DAB2: variants seen among roughly 807,000 people sequenced by gnomAD.
DAB2 encodes the protein disabled homolog 2.
Under a neutral mutation model 71.6 loss-of-function variants are expected in DAB2, and 28 were observed. The ratio of observed to expected loss-of-function variants is 0.39; its 90% confidence interval spans 0.29 to 0.54. DAB2 has a LOEUF of 0.54. Ranked by LOEUF, DAB2 falls within the 20% of genes least tolerant of loss-of-function variation. The pLI is 0.68. For missense variants in DAB2, 867 were observed against 928.8 expected (o/e 0.93, Z 0.86); for synonymous variants, 345 against 339.7 (o/e 1.02, Z -0.17).
At chr5:39,396,493 C>A (rs1453565764) in intron 1 of DAB2, among the ~76,000 whole-genome samples, 1 of 152,226 alleles carries the variant, frequency 6.6e-6, no homozygotes, top group Non-Finnish European at 1.5e-5. Flanking sequence ...GGCATTCATG[C>A]AGATGGTAAT....
At chr5:39,409,202 A>G (rs1002988549) in intron 1 of DAB2, among the ~76,000 whole-genome samples, 3 of 152,158 alleles carry the variant, frequency 2.0e-5, no homozygotes, top group African/African-American at 7.2e-5. Flanking sequence ...GAAATGCACA[A>G]GTATTCTTGA....
chr5:39,401,402 C>T (rs774005302), intron 1 of DAB2, among the ~76,000 whole-genome samples: 17 of 152,212 alleles, frequency 1.1e-4, no homozygotes, highest in African/African-American at 3.4e-4. Flanking sequence ...AGATGCTTTC[C>T]CTGTTTTTGG....
At chr5:39,417,275 A>T (rs1755870067) in intron 1 of DAB2, 1 of 150,342 alleles carries the variant, frequency 6.7e-6, no homozygotes, top group Non-Finnish European at 1.5e-5. Context: ...CTCCACATGT[A>T]CCCCAGAATC....
intron 13 of DAB2, 35 bp from the exon 14 acceptor site, chr5:39,375,119 G>A: frequency 6.7e-7 from 1 of 1,491,788 alleles, no homozygotes; most frequent in Non-Finnish European, 9.2e-7. Flanking sequence ...AATAAATACA[G>A]TTACAGTCAT....
In DAB2 at chr5:39,388,749, C is replaced by A. The variant is rs766957823; in HGVS notation, c.624+50G>T. 5.4e-5 allele frequency: 79 copies of A among 1,456,202 alleles called. 1 individual carries two copies. Among genetic ancestry groups the A allele is most frequent in the Non-Finnish European group, 7.2e-5 (75 of 1,039,624 alleles). The allele number at this position is 1,456,202 out of a possible 1,614,324, so 90.2% of individuals were successfully genotyped here. ...TCAGCAACATCTACAGGAAGTAGAA[C>A]CCATGTTCAGATAAGTAAGAACTGT... is the stretch of plus-strand genomic sequence containing the variant. On this transcript the variant is annotated intron_variant, in intron 8 of 14. Coordinates refer to ENST00000320816, the MANE Select transcript of DAB2 (RefSeq NM_001343.4).
chr5:39,416,517 G>A (rs1309844137), intron 1 of DAB2, among the ~76,000 whole-genome samples: 7 of 152,074 alleles, frequency 4.6e-5, no homozygotes, highest in African/African-American at 1.7e-4. Flanking sequence ...ACATATACAT[G>A]GCCACCTGCT....
chr5:39,398,678 C>T (rs974792070), intron 1 of DAB2, among the ~76,000 whole-genome samples: 4 of 152,042 alleles, frequency 2.6e-5, no homozygotes, highest in African/African-American at 7.2e-5. Flanking sequence ...ACTACAAACC[C>T]CTTTACAAAA....
intron 1 of DAB2, among the ~76,000 whole-genome samples, chr5:39,397,596 C>T (rs1246379324): frequency 2.0e-5 from 3 of 152,068 alleles, no homozygotes; most frequent in South Asian, 4.2e-4. Context: ...GGTTAGTATT[C>T]GAGTGGGAAT....
intron 1 of DAB2, among the ~76,000 whole-genome samples, chr5:39,413,426 T>A (rs553956580): frequency 6.6e-6 from 1 of 152,282 alleles, no homozygotes; most frequent in African/African-American, 2.4e-5. Flanking sequence ...TAAGATCGAT[T>A]TCATCATACA....
At chr5:39,402,344 A>G (rs1755522622) in intron 1 of DAB2, among the ~76,000 whole-genome samples, 1 of 152,226 alleles carries the variant, frequency 6.6e-6, no homozygotes, top group Non-Finnish European at 1.5e-5. Context: ...GTAAGTGTTT[A>G]AACACTTTTA....
In DAB2 at chr5:39,379,656, C is replaced by T. The variant is rs114276313; in HGVS notation, c.1504+1798G>A. Among the ~76,000 whole-genome samples the T allele has an allele frequency of 9.9e-3, 1,499 of 152,174 alleles. 17 individuals are homozygous for T. Among genetic ancestry groups the T allele is most frequent in the African/African-American group, 0.034 (1,431 of 41,526 alleles). On this transcript the variant is annotated intron_variant, in intron 11 of 14. Coordinates refer to ENST00000320816, the MANE Select transcript of DAB2 (RefSeq NM_001343.4). Reference sequence around the variant, plus strand: ...TATAGAACATTAATTTTATTACCTTCTGAGGCTAGATTAAAATACAAGCAA... The same window carrying T: ...TATAGAACATTAATTTTATTACCTTTTGAGGCTAGATTAAAATACAAGCAA...
intron 1 of DAB2, among the ~76,000 whole-genome samples, chr5:39,403,390 C>G (rs62358450): frequency 0.028 from 4,195 of 152,272 alleles, 89 homozygotes; most frequent in South Asian, 0.086. Flanking sequence ...AAGCCCATTA[C>G]ATGGGGACTG....
At chr5:39,399,837 C>A (rs979868206) in intron 1 of DAB2, among the ~76,000 whole-genome samples, 12 of 152,280 alleles carry the variant, frequency 7.9e-5, no homozygotes, top group African/African-American at 2.9e-4. Context: ...GCATGGTGGA[C>A]AATGATTAGT....
At chr5:39,376,472 G>T (rs1260747608) in intron 12 of DAB2, among the ~76,000 whole-genome samples, 178 bp downstream of exon 12, 1 of 152,128 alleles carries the variant, frequency 6.6e-6, no homozygotes, top group African/African-American at 2.4e-5. Context: ...AATGACTAAG[G>T]TAAATAGTTA....
rs565147153 is a variant in DAB2, at chr5:39,383,288, GAAA to G, written c.688-20_688-18del. On this transcript the variant is annotated intron_variant, in intron 9 of 14. Transcript: ENST00000320816. ...TTTGCTTTCCTATCACATTTGGAAA[GAAA>G]AAAAAAGAAAGTGTTAGTCCATGTT... 18 of 1,534,380 alleles carry G rather than the reference GAAA, an allele frequency of 1.2e-5. No individual in the cohort carries two copies. The East Asian group carries it at 4.1e-4, about 35-fold the overall frequency.
At chr5:39,404,795 T>A (rs1208023568) in intron 1 of DAB2, among the ~76,000 whole-genome samples, 2 of 152,142 alleles carry the variant, frequency 1.3e-5, no homozygotes, top group Non-Finnish European at 2.9e-5. Context: ...GCCAGGCTGG[T>A]CTCGAACTCC....
At chr5:39,401,762 T>TTTATTTATTTACTTACTTAC (rs879679271) in intron 1 of DAB2, among the ~76,000 whole-genome samples, 1 of 151,144 alleles carries the variant, frequency 6.6e-6, no homozygotes, top group African/African-American at 2.4e-5. Flanking sequence ...TATTTATTTA[T>TTTATTTATTTACTTACTTAC]TTATTTTTGA....
chr5:39,388,938 A>G (rs987981602), intron 7 of DAB2, 86 bp from the exon 8 acceptor site: 50 of 1,346,824 alleles, frequency 3.7e-5, no homozygotes, highest in Non-Finnish European at 4.7e-5. Context: ...CTAAGCAGCA[A>G]TGGTTTTGGT....
chr5:39,407,146 G>T (rs545095315), intron 1 of DAB2, among the ~76,000 whole-genome samples: 1 of 152,278 alleles, frequency 6.6e-6, no homozygotes, highest in African/African-American at 2.4e-5. Flanking sequence ...CTGTTTTCAT[G>T]TCTGTCCTTT....
Sources: gnomAD v4.1 joint callset for allele counts (sites outside exome capture counted in the v4.1 genomes callset) on GRCh38, gnomAD v4.1.1 for gene constraint, MANE v1.5 for transcripts, NCBI Gene and HGNC (gene_info 2026-07-23, HGNC 2026-07-21) for gene names.